Variants in SMC5 observed in about 807,000 individuals in gnomAD.
SMC5 encodes the protein structural maintenance of chromosomes 5.
In SMC5, 88 loss-of-function variants were observed where a neutral mutation model predicts 148.3. The observed-to-expected ratio is 0.59, with a 90% confidence interval of 0.50 to 0.71. The LOEUF (loss-of-function observed/expected upper bound fraction) is 0.71, where lower values mean the gene tolerates loss of function less well. Ranked by LOEUF, SMC5 falls within the 30% of genes least tolerant of loss-of-function variation. SMC5 has a pLI of 0.00. For synonymous variants in SMC5, 421 were observed against 432.8 expected (o/e 0.97, Z 0.34); for missense variants, 1,142 against 1,298.9 (o/e 0.88, Z 1.86).
At position 70,350,300 on chromosome 9, in the gene SMC5, T is replaced by C; in HGVS notation, c.3069+7T>C. 6.2e-7 allele frequency: 1 copy of C among 1,612,316 alleles called. No individual in the cohort carries two copies. The highest frequency in any genetic ancestry group is 8.5e-7 in the Non-Finnish European group (1 of 1,179,326). On this transcript the variant is annotated splice_region_variant and intron_variant, in intron 23 of 24. Coordinates refer to ENST00000361138, the MANE Select transcript of SMC5 (RefSeq NM_015110.4). ...AGTTGATGAAATCAATCAGGTATGG[T>C]GATTGTTCTGTTACTTGGATCTTCT...
intron 17 of SMC5, among the ~76,000 whole-genome samples, chr9:70,329,332 G>A (rs527577217): frequency 3.9e-5 from 6 of 152,210 alleles, no homozygotes; most frequent in Non-Finnish European, 5.9e-5. Flanking sequence ...GGTCACTTTT[G>A]TTTATGCAAA....
At chr9:70,336,539 C>T (rs930605900) in intron 17 of SMC5, among the ~76,000 whole-genome samples, 20 of 152,256 alleles carry the variant, frequency 1.3e-4, no homozygotes, top group Admixed American at 1.2e-3. Flanking sequence ...CAGCAAAAAG[C>T]AATCAAAGGT....
intron 17 of SMC5, among the ~76,000 whole-genome samples, chr9:70,334,128 TG>T (rs1376868503): frequency 1.7e-4 from 25 of 143,692 alleles, no homozygotes; most frequent in African/African-American, 6.6e-4. Flanking sequence ...CAGTTGTTGT[TG>T]TTTTTTTTTT....
rs145853328 is a variant in SMC5, at chr9:70,330,038, A to C, written c.2397+5895A>C. On this transcript the variant is annotated intron_variant, in intron 17 of 24. Transcript: ENST00000361138. ...ATCAGCAAGGAGGAAATCCACCCTC[A>C]TGAGCCAATCACCTCCCACTAGATT... 5.4e-3 allele frequency among the ~76,000 whole-genome samples: 828 copies of C among 152,254 alleles called. 6 individuals carry two copies. Among genetic ancestry groups the C allele is most frequent in the African/African-American group, 0.019 (796 of 41,546 alleles).
chr9:70,323,030 T>G (rs999407964), intron 15 of SMC5, among the ~76,000 whole-genome samples: 2 of 152,204 alleles, frequency 1.3e-5, no homozygotes, highest in African/African-American at 4.8e-5. Flanking sequence ...CCGCTGAATT[T>G]GTTTGTTGTT....
intron 8 of SMC5, among the ~76,000 whole-genome samples, chr9:70,296,425 G>A (rs148521105): frequency 0.032 from 4,891 of 152,140 alleles, 261 homozygotes; most frequent in African/African-American, 0.11. Flanking sequence ...AACCGGGCAT[G>A]GTGGCACACG....
intron 3 of SMC5, 30 bp from the exon 4 acceptor site, chr9:70,277,260 CTAATGTATATATTTTGAATA>C: frequency 3.2e-6 from 4 of 1,253,394 alleles, no homozygotes; most frequent in Non-Finnish European, 4.2e-6. Flanking sequence ...TATTTCTAAA[CTAATGTATATATTTTGAATA>C]TAAAGATTCT....
chr9:70,344,406 G>GAA (rs2036608546), intron 18 of SMC5, 137 bp downstream of exon 18: 3 of 352,362 alleles, frequency 8.5e-6, no homozygotes, highest in Non-Finnish European at 1.4e-5. Context: ...TTTTTAAACT[G>GAA]AATATATATA....
Position 70,353,137 on chromosome 9 carries a change from C to T in SMC5, c.*806C>T, listed in dbSNP as rs1458288518. On this transcript the variant is annotated 3_prime_UTR_variant, in exon 25 of 25. Coordinates refer to ENST00000361138, the MANE Select transcript of SMC5 (RefSeq NM_015110.4). ...AAAGTCAATTATATTTTACATCTTA[C>T]ATTTCTAAAAGCATTTTATAATTAT... The T allele has an allele frequency of 2.6e-5, 4 of 151,794 alleles. No homozygotes were observed. The highest frequency in any genetic ancestry group is 7.3e-5 in the African/African-American group (3 of 41,338). 9.4% of individuals were successfully genotyped at this position (151,794 alleles called of 1,614,324 possible).
At chr9:70,275,443 C>G (rs1043881749) in intron 3 of SMC5, among the ~76,000 whole-genome samples, 1 of 152,112 alleles carries the variant, frequency 6.6e-6, no homozygotes, top group Non-Finnish European at 1.5e-5. Flanking sequence ...TCAAGTGATC[C>G]TCCCACCTTT....
intron 8 of SMC5, among the ~76,000 whole-genome samples, chr9:70,292,172 C>T (rs954857439): frequency 9.4e-5 from 14 of 149,288 alleles, no homozygotes; most frequent in African/African-American, 3.5e-4. Flanking sequence ...GAGTTCCTTA[C>T]TTCACCATTC....
At chr9:70,303,291 A>T (rs978174178) in intron 10 of SMC5, among the ~76,000 whole-genome samples, 1 of 150,532 alleles carries the variant, frequency 6.6e-6, no homozygotes, top group African/African-American at 2.4e-5. Context: ...TAAGTCCTAG[A>T]CTGGCTTATC....
intron 7 of SMC5, among the ~76,000 whole-genome samples, chr9:70,285,311 C>T (rs577428681): frequency 3.0e-4 from 45 of 152,254 alleles, no homozygotes; most frequent in African/African-American, 1.0e-3. Flanking sequence ...CAAGGGTCCT[C>T]CCCCAGAGAA....
intron 8 of SMC5, among the ~76,000 whole-genome samples, chr9:70,289,181 G>A (rs1453867717): frequency 6.6e-6 from 1 of 152,044 alleles, no homozygotes; most frequent in Non-Finnish European, 1.5e-5. Context: ...GGGACTACAG[G>A]CATGCACCAC....
chr9:70,338,387 C>T (rs913735757), intron 17 of SMC5, among the ~76,000 whole-genome samples: 4 of 152,090 alleles, frequency 2.6e-5, no homozygotes, highest in Non-Finnish European at 4.4e-5. Flanking sequence ...CTTTTCCTTG[C>T]CCTTTGCCCA....
chr9:70,342,245 G>T (rs1407040353), intron 17 of SMC5, among the ~76,000 whole-genome samples: 1 of 117,182 alleles, frequency 8.5e-6, no homozygotes, highest in Non-Finnish European at 1.7e-5. Context: ...GTTGTGGGGT[G>T]GGGGGAGGGG....
At chr9:70,350,562 C>G (rs2036780754) in intron 24 of SMC5, 91 bp downstream of exon 24, 1 of 746,506 alleles carries the variant, frequency 1.3e-6, no homozygotes, top group Non-Finnish European at 2.1e-6. Context: ...CACATATTAG[C>G]AGGAACACTC....
intron 3 of SMC5, among the ~76,000 whole-genome samples, chr9:70,270,247 G>C (rs1338414997): frequency 1.3e-5 from 2 of 152,174 alleles, no homozygotes; most frequent in African/African-American, 4.8e-5. Flanking sequence ...TATTATAAAG[G>C]ATACTACAGA....
chr9:70,306,335 T>A (rs1482032911), intron 11 of SMC5, among the ~76,000 whole-genome samples: 5 of 152,194 alleles, frequency 3.3e-5, no homozygotes, highest in Admixed American at 2.6e-4. Flanking sequence ...ACACAAGTGC[T>A]TGGAAAGAAT....
Sources: allele counts gnomAD v4.1 joint callset (sites outside exome capture counted in the v4.1 genomes callset), GRCh38; gene constraint gnomAD v4.1.1; transcripts MANE v1.5; gene names NCBI Gene and HGNC (gene_info 2026-07-23, HGNC 2026-07-21).